The following GALNTL6 variants were observed in gnomAD, a reference collection of about 807,000 sequenced individuals.
GALNTL6 encodes the protein polypeptide N-acetylgalactosaminyltransferase like 6, also known as polypeptide N-acetylgalactosaminyltransferase-like 6.
Under a neutral mutation model 73.7 loss-of-function variants are expected in GALNTL6, and 46 were observed. The ratio of observed to expected loss-of-function variants is 0.62; its 90% CI spans 0.49 to 0.80. The LOEUF (loss-of-function observed/expected upper bound fraction) is 0.80. GALNTL6 is among the 30% of genes least tolerant of loss of function. The probability of loss-of-function intolerance (pLI) is 0.00; values close to 1 mark genes in which losing one functional copy is unlikely to be tolerated. For synonymous variants in GALNTL6, 259 were observed against 263.7 expected (o/e 0.98, Z 0.17); for missense variants, 604 against 755.0 (o/e 0.80, Z 2.34).
chr4:172,262,270 A>G (rs925691164), intron 3 of GALNTL6, among the ~76,000 whole-genome samples: 7 of 151,570 alleles, frequency 4.6e-5, no homozygotes, highest in Admixed American at 2.6e-4. Flanking sequence ...CTCATTTCTT[A>G]GGTCTAGCAG....
At chr4:172,626,633 T>C (rs888851016) in intron 5 of GALNTL6, among the ~76,000 whole-genome samples, 2 of 151,988 alleles carry the variant, frequency 1.3e-5, no homozygotes, top group East Asian at 3.9e-4. Context: ...CTGATGAGTA[T>C]GAAATGTTTT....
At chr4:172,306,338 G>C (rs990458979) in intron 3 of GALNTL6, among the ~76,000 whole-genome samples, 1 of 152,042 alleles carries the variant, frequency 6.6e-6, no homozygotes, top group East Asian at 1.9e-4. Flanking sequence ...GCAGTGAGCC[G>C]AGATCGCGCC....
At chr4:172,162,622 A>G (rs1734506683) in intron 2 of GALNTL6, among the ~76,000 whole-genome samples, 1 of 152,020 alleles carries the variant, frequency 6.6e-6, no homozygotes, top group African/African-American at 2.4e-5. Context: ...AGTTTCAAAC[A>G]AGATCACAAG....
intron 4 of GALNTL6, among the ~76,000 whole-genome samples, chr4:172,332,159 G>A (rs1741150941): frequency 6.6e-6 from 1 of 151,916 alleles, no homozygotes; most frequent in South Asian, 2.1e-4. Flanking sequence ...GGCCATTTGT[G>A]TGTCTTCCTT....
chr4:172,566,315 T>A (rs1736552607), intron 5 of GALNTL6, among the ~76,000 whole-genome samples: 1 of 152,066 alleles, frequency 6.6e-6, no homozygotes, highest in Non-Finnish European at 1.5e-5. Context: ...CTTAACACAT[T>A]TAAGATTGAA....
chr4:171,921,209 C>T (rs990546249), intron 2 of GALNTL6, among the ~76,000 whole-genome samples: 4 of 151,954 alleles, frequency 2.6e-5, no homozygotes, highest in African/African-American at 9.6e-5. Context: ...ATATCTCATT[C>T]GGAGCAGAAA....
At chr4:172,793,933 T>C (rs561515104) in intron 5 of GALNTL6, among the ~76,000 whole-genome samples, 3 of 152,350 alleles carry the variant, frequency 2.0e-5, no homozygotes, top group South Asian at 2.1e-4. Flanking sequence ...TATGTGCATG[T>C]GTGTGTATGT....
chr4:172,671,858 G>A (rs1732005558), intron 5 of GALNTL6, among the ~76,000 whole-genome samples: 1 of 151,842 alleles, frequency 6.6e-6, no homozygotes, highest in Non-Finnish European at 1.5e-5. Flanking sequence ...TGTTTGTTTG[G>A]TTTTTTGTTT....
chr4:172,862,350 G>A (rs1744436879), intron 7 of GALNTL6, among the ~76,000 whole-genome samples: 1 of 152,172 alleles, frequency 6.6e-6, no homozygotes, highest in Non-Finnish European at 1.5e-5. Flanking sequence ...ATTATTTAGG[G>A]TATCAGGCAG....
intron 2 of GALNTL6, among the ~76,000 whole-genome samples, chr4:171,884,370 T>G (rs1335575105): frequency 1.3e-5 from 2 of 152,180 alleles, no homozygotes; most frequent in African/African-American, 2.4e-5. Flanking sequence ...TTACATGCAT[T>G]AACTCATTTG....
chr4:171,847,377 G>A (rs998327120), intron 2 of GALNTL6, among the ~76,000 whole-genome samples: 1 of 152,144 alleles, frequency 6.6e-6, no homozygotes, highest in South Asian at 2.1e-4. Context: ...TTTGCTGGTA[G>A]AGAGACTTGC....
Position 173,005,009 on chromosome 4 carries a change from C to T in GALNTL6, c.1372-4169C>T, listed in dbSNP as rs540507701. 4.6e-5 allele frequency among the ~76,000 whole-genome samples: 7 copies of T among 152,240 alleles called. No individual in the cohort carries two copies. In the East Asian group the frequency reaches 1.4e-3, roughly 29 times the overall value. ...TCCCTCTCTAACAGCCAGTTGAATC[C>T]CCTACCCCACATCTACTAGGCTCCT... On this transcript the variant is annotated intron_variant, in intron 10 of 12. Coordinates refer to ENST00000506823, the MANE Select transcript of GALNTL6 (RefSeq NM_001034845.3).
At chr4:172,275,425 A>G (rs1284096026) in intron 3 of GALNTL6, among the ~76,000 whole-genome samples, 1 of 152,184 alleles carries the variant, frequency 6.6e-6, no homozygotes, top group Admixed American at 6.5e-5. Flanking sequence ...TCACTTATTA[A>G]CTGGGTGAAC....
chr4:172,151,111 A>C (rs949788542), intron 2 of GALNTL6, among the ~76,000 whole-genome samples: 2 of 152,178 alleles, frequency 1.3e-5, no homozygotes, highest in Non-Finnish European at 2.9e-5. Flanking sequence ...CTATGCCAAA[A>C]AGAGTTTGAC....
At chr4:172,788,650 G>T (rs1197536950) in intron 5 of GALNTL6, among the ~76,000 whole-genome samples, 5 of 145,272 alleles carry the variant, frequency 3.4e-5, no homozygotes, top group Admixed American at 2.8e-4. Flanking sequence ...CCAGCCTGAG[G>T]GACAGGGCAA....
intron 2 of GALNTL6, among the ~76,000 whole-genome samples, chr4:172,220,197 GCT>G (rs1222160012): frequency 6.6e-6 from 1 of 151,590 alleles, no homozygotes; most frequent in African/African-American, 2.4e-5. Flanking sequence ...TAGAATGTAA[GCT>G]CTTCAAGGGT....
At chr4:172,466,077 C>T (rs1373137578) in intron 5 of GALNTL6, among the ~76,000 whole-genome samples, 2 of 152,008 alleles carry the variant, frequency 1.3e-5, no homozygotes, top group Admixed American at 6.6e-5. Context: ...TCATAAAATG[C>T]GTCTTTAATA....
chr4:172,310,271 AT>A (rs1169018138), intron 3 of GALNTL6, among the ~76,000 whole-genome samples: 3,016 of 145,336 alleles, frequency 0.021, 85 homozygotes, highest in African/African-American at 0.065. Flanking sequence ...TTACTCGATA[AT>A]TTTTTTTTTT....
At chr4:172,297,542 AG>A (rs1739731268) in intron 3 of GALNTL6, among the ~76,000 whole-genome samples, 1 of 152,198 alleles carries the variant, frequency 6.6e-6, no homozygotes, top group South Asian at 2.1e-4. Flanking sequence ...ATAAGGTGTA[AG>A]GAAGGGATCC....
Sources: allele counts gnomAD v4.1 joint callset (sites outside exome capture counted in the v4.1 genomes callset), GRCh38; gene constraint gnomAD v4.1.1; transcripts MANE v1.5; gene names NCBI Gene and HGNC (gene_info 2026-07-23, HGNC 2026-07-21).